The following NKAIN2 variants were observed in gnomAD, a reference collection of about 807,000 sequenced individuals.
The protein encoded by NKAIN2 is sodium/potassium transporting ATPase interacting 2, also known as sodium/potassium-transporting ATPase subunit beta-1-interacting protein 2.
NKAIN2 carries 14 observed loss-of-function variants against 32.6 expected under a neutral mutation model. The ratio of observed to expected loss-of-function variants is 0.43; its 90% CI spans 0.28 to 0.67. The LOEUF is 0.67. Among genes scored for constraint, NKAIN2 ranks in the 30% least tolerant of loss-of-function variants. The pLI, the probability that NKAIN2 is intolerant of heterozygous loss-of-function variation, is 0.17. For missense variants in NKAIN2, 198 were observed against 258.3 expected (o/e 0.77, Z 1.60); for synonymous variants, 80 against 87.2 (o/e 0.92, Z 0.46).
chr6:124,459,130 G>A (rs1583284272), intron 3 of NKAIN2, among the ~76,000 whole-genome samples: 1 of 151,714 alleles, frequency 6.6e-6, no homozygotes, highest in South Asian at 2.1e-4. Context: ...TGTTCTAAAC[G>A]TTACCACTTT....
At chr6:124,430,826 A>G (rs1775186593) in intron 3 of NKAIN2, among the ~76,000 whole-genome samples, 1 of 152,012 alleles carries the variant, frequency 6.6e-6, no homozygotes, top group Admixed American at 6.6e-5. Context: ...ACCTTTTAAA[A>G]CCATCATATA....
intron 2 of NKAIN2, among the ~76,000 whole-genome samples, chr6:124,337,600 C>T (rs1367742279): frequency 2.0e-5 from 3 of 152,190 alleles, no homozygotes; most frequent in Non-Finnish European, 4.4e-5. Flanking sequence ...TGATCACTGC[C>T]TCCTTGATTT....
chr6:124,265,005 C>T lies in NKAIN2; in HGVS notation c.55-18000C>T, dbSNP rs184734070. On this transcript the variant is annotated intron_variant, in intron 1 of 6. Coordinates refer to ENST00000368417, the MANE Select transcript of NKAIN2 (RefSeq NM_001040214.3). The stretch of plus-strand genomic sequence containing the variant: ...ATTTCACCATTTATGCAGACAGGTC[C>T]ACATCCAAATTATATGGACATATAA... Among the ~76,000 whole-genome samples the T allele has an allele frequency of 7.2e-5, 11 of 152,032 alleles. No individual in the cohort carries two copies. In the East Asian group the frequency reaches 1.7e-3, roughly 24 times the overall value.
chr6:124,708,829 T>C (rs879580126), intron 4 of NKAIN2, among the ~76,000 whole-genome samples: 2,509 of 146,546 alleles, frequency 0.017, 39 homozygotes, highest in Middle Eastern at 0.029. Context: ...ATACCCTTTA[T>C]TTCCTTCTCC....
chr6:124,406,978 T>A (rs77106465), intron 3 of NKAIN2, among the ~76,000 whole-genome samples: 2 of 152,102 alleles, frequency 1.3e-5, no homozygotes, highest in Non-Finnish European at 2.9e-5. Context: ...TACAATTGCC[T>A]TATCAGATAT....
chr6:123,909,524 C>T (rs1775060826), intron 1 of NKAIN2, among the ~76,000 whole-genome samples: 1 of 152,200 alleles, frequency 6.6e-6, no homozygotes, highest in Non-Finnish European at 1.5e-5. Flanking sequence ...CATTCCGTCC[C>T]TTGAAGGTAG....
intron 3 of NKAIN2, among the ~76,000 whole-genome samples, chr6:124,566,859 A>C (rs1282695050): frequency 1.3e-5 from 2 of 152,194 alleles, no homozygotes; most frequent in African/African-American, 4.8e-5. Context: ...TTCAGAAAGA[A>C]AGAAATCAGA....
intron 3 of NKAIN2, among the ~76,000 whole-genome samples, chr6:124,510,152 A>G (rs972570167): frequency 4.4e-4 from 20 of 45,002 alleles, no homozygotes; most frequent in Admixed American, 9.1e-4. Flanking sequence ...GTGCTTTGGG[A>G]AAAAAAAAAG....
chr6:123,933,693 G>A lies in NKAIN2; in HGVS notation c.54+129439G>A, dbSNP rs553256527. Among the ~76,000 whole-genome samples, 284 of 152,146 alleles carry A rather than the reference G, an allele frequency of 1.9e-3. 2 individuals are homozygous for A. Among genetic ancestry groups the A allele is most frequent in the Non-Finnish European group, 3.6e-3 (244 of 68,022 alleles). On this transcript the variant is annotated intron_variant, in intron 1 of 6. Coordinates refer to ENST00000368417, the MANE Select transcript of NKAIN2 (RefSeq NM_001040214.3). ...CCATTGCTTCCTTTCTACCCTCAAA[G>A]CAATTCTGGTTCAAGCAGAAAGCTT...
At chr6:124,751,261 A>G (rs1370919523) in intron 4 of NKAIN2, among the ~76,000 whole-genome samples, 2 of 152,080 alleles carry the variant, frequency 1.3e-5, no homozygotes, top group Non-Finnish European at 2.9e-5. Flanking sequence ...TGGGTCCTTA[A>G]GAAAGACATT....
chr6:124,494,175 A>G (rs138721012), intron 3 of NKAIN2, among the ~76,000 whole-genome samples: 1 of 152,190 alleles, frequency 6.6e-6, no homozygotes, highest in African/African-American at 2.4e-5. Flanking sequence ...TTTCTTCCCT[A>G]CAAGGCTAAT....
intron 3 of NKAIN2, among the ~76,000 whole-genome samples, chr6:124,400,059 T>C (rs1165675742): frequency 6.6e-6 from 1 of 152,164 alleles, no homozygotes; most frequent in Non-Finnish European, 1.5e-5. Flanking sequence ...ATATTTTTCT[T>C]CCTAATTGAC....
chr6:124,585,824 A>T (rs1291706951), intron 3 of NKAIN2, among the ~76,000 whole-genome samples: 2 of 152,184 alleles, frequency 1.3e-5, no homozygotes, highest in Non-Finnish European at 2.9e-5. Context: ...GTGAACAACT[A>T]TGTGAGTTTT....
chr6:124,163,958 AG>A (rs1788402284), intron 1 of NKAIN2, among the ~76,000 whole-genome samples: 1 of 152,052 alleles, frequency 6.6e-6, no homozygotes, highest in Non-Finnish European at 1.5e-5. Flanking sequence ...ACAACCCTGA[AG>A]TCATTTGAAG....
chr6:124,753,314 T>C (rs1158891968), intron 4 of NKAIN2, among the ~76,000 whole-genome samples: 1 of 152,172 alleles, frequency 6.6e-6, no homozygotes, highest in Non-Finnish European at 1.5e-5. Flanking sequence ...CTGCACACTA[T>C]GATTATAAAT....
chr6:124,539,429 T>C (rs1779831767), intron 3 of NKAIN2, among the ~76,000 whole-genome samples: 1 of 152,130 alleles, frequency 6.6e-6, no homozygotes, highest in Non-Finnish European at 1.5e-5. Flanking sequence ...ATGTATGCTC[T>C]CACTTAATTT....
At chr6:124,753,092 T>C (rs577012380) in intron 4 of NKAIN2, among the ~76,000 whole-genome samples, 1 of 152,256 alleles carries the variant, frequency 6.6e-6, no homozygotes, top group South Asian at 2.1e-4. Flanking sequence ...TGAAATTCTG[T>C]TGTACTTGTC....
intron 1 of NKAIN2, among the ~76,000 whole-genome samples, chr6:124,213,404 TTC>T (rs1791289248): frequency 6.6e-6 from 1 of 152,096 alleles, no homozygotes; most frequent in South Asian, 2.1e-4. Context: ...ATATTTTTAT[TTC>T]TGTTTGTGCT....
rs572535590 is a variant in NKAIN2, at chr6:124,758,868, A to C, written c.475-32471A>C. The stretch of plus-strand genomic sequence containing the variant: ...TCTGACATAAACCCTATCTTTTAGC[A>C]AAATTGAACATCTTATATTTCCTCA... On this transcript the variant is annotated intron_variant, in intron 4 of 6. Coordinates refer to ENST00000368417, the MANE Select transcript of NKAIN2 (RefSeq NM_001040214.3). Among the ~76,000 whole-genome samples the C allele has an allele frequency of 1.1e-4, 16 of 152,274 alleles. No individual in the cohort carries two copies. In the East Asian group the frequency reaches 3.1e-3, roughly 29 times the overall value.
Sources: allele counts gnomAD v4.1 joint callset (sites outside exome capture counted in the v4.1 genomes callset), GRCh38; gene constraint gnomAD v4.1.1; transcripts MANE v1.5; gene names NCBI Gene and HGNC (gene_info 2026-07-23, HGNC 2026-07-21).